NCKAP5L: variants seen among roughly 807,000 people sequenced by gnomAD.
NCKAP5L encodes NCK associated protein 5 like, also known as nck-associated protein 5-like.
NCKAP5L carries 54 observed loss-of-function variants against 103.2 expected under a neutral mutation model. The observed-to-expected ratio is 0.52, with a 90% confidence interval of 0.42 to 0.66. The LOEUF is 0.66. Among genes scored for constraint, NCKAP5L ranks in the 30% least tolerant of loss-of-function variants. NCKAP5L has a pLI of 0.00. For missense variants in NCKAP5L, 1,733 were observed against 1,750.6 expected (o/e 0.99, Z 0.18); for synonymous variants, 762 against 748.6 (o/e 1.02, Z -0.29).
chr12:49,794,884 C>A lies in NCKAP5L; in HGVS notation c.2976G>T (p.Arg992=). ...LEEEKAYLSS[R]ARPRPGGPAP... ...CTGGGCCACCAGGCCGTGGCCGGGC[C>A]CGGCTGCTTAGGTAGGCCTTCTCCT... is the stretch of plus-strand genomic sequence containing the variant. Residue 992 remains arginine, a synonymous_variant, in exon 8 of 13, where the codon CGG becomes CGT. Coordinates refer to ENST00000335999, the MANE Select transcript of NCKAP5L (RefSeq NM_001037806.4). 1 of 1,505,806 alleles carries A rather than the reference C, an allele frequency of 6.6e-7. No individual in the cohort carries two copies. Among genetic ancestry groups the A allele is most frequent in the South Asian group, 1.3e-5 (1 of 75,806 alleles). 93.3% of individuals were successfully genotyped at this position (1,505,806 alleles called of 1,614,324 possible).
intron 1 of NCKAP5L, among the ~76,000 whole-genome samples, chr12:49,822,164 C>T (rs894649432): frequency 6.6e-6 from 1 of 152,132 alleles, no homozygotes; most frequent in Non-Finnish European, 1.5e-5. Context: ...AGCCTCTGTC[C>T]AGGAATCAGA....
chr12:49,807,804 C>T (rs1946197113), intron 1 of NCKAP5L, among the ~76,000 whole-genome samples: 1 of 152,178 alleles, frequency 6.6e-6, no homozygotes, highest in Non-Finnish European at 1.5e-5. Flanking sequence ...CCATCGGTCC[C>T]CAGCGTGTCC....
intron 1 of NCKAP5L, among the ~76,000 whole-genome samples, chr12:49,812,387 C>CTT (rs542046179): frequency 4.2e-5 from 6 of 142,912 alleles, no homozygotes; most frequent in African/African-American, 1.3e-4. Context: ...TGGTTTTCAT[C>CTT]TTTTTTTTTT....
Position 49,794,965 on chromosome 12 carries a change from G to T in NCKAP5L, c.2895C>A (p.Ser965Arg). 6.3e-7 allele frequency: 1 copy of T among 1,587,512 alleles called. No individual in the cohort carries two copies. The highest frequency in any genetic ancestry group is 8.6e-7 in the Non-Finnish European group (1 of 1,167,628). ...TGGCCATCAGCTTGGAGATGTTGAGGCTCTCGGCCTCCAGCTTCCGGGCTT... is the reference window on the plus strand; with the variant it reads ...TGGCCATCAGCTTGGAGATGTTGAGTCTCTCGGCCTCCAGCTTCCGGGCTT... ...KMEARKLEAE[S>R]LNISKLMAKA... Residue 965 changes from serine to arginine, a missense_variant, in exon 8 of 13, where the codon AGC (serine) becomes AGA (arginine). By Grantham distance (110) the Ser-to-Arg change is moderately radical. Transcript: ENST00000335999.
In NCKAP5L at chr12:49,795,122, T is replaced by C. The variant is rs1344247673; in HGVS notation, c.2738A>G (p.Asn913Ser). The change falls in exon 8 of 13, where the codon AAC becomes AGC. Residue 913 changes from asparagine (N) to serine (S), a missense_variant. Transcript: ENST00000335999. ...GAACCAGCTGGCGATGCTGCTGGTG[T>C]TGCGGTGCTTGACCTCGGCGCCAGG... ...RAPGAEVKHR[N>S]TSSIASWFGL... is the part of the protein sequence containing the mutation. 6 of 1,613,040 alleles carry C rather than the reference T, an allele frequency of 3.7e-6. No homozygotes were observed. Among genetic ancestry groups the C allele is most frequent in the Non-Finnish European group, 4.2e-6 (5 of 1,179,694 alleles).
chr12:49,796,323 G>A lies in NCKAP5L; in HGVS notation c.1537C>T (p.Pro513Ser). The change falls in exon 8 of 13, where the codon CCA becomes TCA. Residue 513 changes from proline to serine, a missense_variant. Pro to Ser is a moderately conservative substitution (Grantham distance 74). Coordinates refer to ENST00000335999, the MANE Select transcript of NCKAP5L (RefSeq NM_001037806.4). ...RRGLGGGELS[P>S]EGAQGLPTSP... is the part of the protein sequence containing the mutation. ...GTGGGCAGGCCTTGCGCCCCCTCTG[G>A]GGACAGCTCTCCTCCACCCAGACCC... is the stretch of plus-strand genomic sequence containing the variant. The A allele has an allele frequency of 5.8e-6, 9 of 1,544,060 alleles. No individual in the cohort carries two copies. Among genetic ancestry groups the A allele is most frequent in the Non-Finnish European group, 7.0e-6 (8 of 1,145,350 alleles).
At position 49,803,001 on chromosome 12, in the gene NCKAP5L, G is replaced by A; in HGVS notation, c.193-5C>T. The A allele has an allele frequency of 1.9e-6, 3 of 1,614,230 alleles. No individual in the cohort carries two copies. The highest frequency in any genetic ancestry group is 2.2e-5 in the South Asian group (2 of 91,086). On this transcript the variant is annotated splice_region_variant and splice_polypyrimidine_tract_variant and intron_variant, in intron 4 of 12. Transcript: ENST00000335999. ...CTGTACCACATGGTTGGCAACCTGG[G>A]GACAGAAAGCCCCGAGGCAGAGCCA...
In NCKAP5L at chr12:49,796,318, C is replaced by A; in HGVS notation, c.1542G>T (p.Glu514Asp). The change falls in exon 8 of 13, where the codon GAG (glutamate) becomes GAT (aspartate). Residue 514 changes from glutamate to aspartate, a missense_variant. By Grantham distance (45) the Glu-to-Asp change is conservative. Coordinates refer to ENST00000335999, the MANE Select transcript of NCKAP5L (RefSeq NM_001037806.4). ...GGCTGGTGGGCAGGCCTTGCGCCCC[C>A]TCTGGGGACAGCTCTCCTCCACCCA... Reference protein sequence around the residue: ...RGLGGGELSPEGAQGLPTSPS... With the variant: ...RGLGGGELSPDGAQGLPTSPS... The A allele has an allele frequency of 6.5e-7, 1 of 1,544,266 alleles. No homozygotes were observed. Among genetic ancestry groups the A allele is most frequent in the Non-Finnish European group, 8.7e-7 (1 of 1,145,284 alleles).
chr12:49,791,912 G>T lies in NCKAP5L; in HGVS notation c.3932C>A (p.Pro1311Gln). The T allele has an allele frequency of 6.2e-7, 1 of 1,611,878 alleles. No individual in the cohort carries two copies. Among genetic ancestry groups the T allele is most frequent in the South Asian group, 1.1e-5 (1 of 90,832 alleles). Residue 1311 changes from proline (P) to glutamine (Q), a missense_variant, in exon 13 of 13, where the codon CCA becomes CAA. Coordinates refer to ENST00000335999, the MANE Select transcript of NCKAP5L (RefSeq NM_001037806.4). ...GAGAGACTCCGAGGTCTCCAGCCCT[G>T]GGGGGCCCCCGCTGGCCACTCTGCC... ...EEGRVASGGP[P>Q]GLETSESLSD... is the part of the protein sequence containing the mutation.
intron 6 of NCKAP5L, among the ~76,000 whole-genome samples, chr12:49,799,156 G>A (rs976135135): frequency 1.3e-5 from 2 of 152,044 alleles, no homozygotes; most frequent in Admixed American, 6.5e-5. Context: ...CTGCAGCAGC[G>A]CCTCCAGCCC....
chr12:49,798,511 T>C, intron 6 of NCKAP5L, 48 bp from the exon 7 acceptor site: 1 of 1,454,730 alleles, frequency 6.9e-7, no homozygotes, highest in South Asian at 1.2e-5. Context: ...TGACCCCAGC[T>C]CCCTACTCCC....
In NCKAP5L at chr12:49,808,997, G is replaced by C. The variant is rs531989282; in HGVS notation, c.-98-2956C>G. Among the ~76,000 whole-genome samples, 283 of 152,118 alleles carry C rather than the reference G, an allele frequency of 1.9e-3. 2 individuals are homozygous for C. Among genetic ancestry groups the C allele is most frequent in the African/African-American group, 6.6e-3 (272 of 41,466 alleles). On this transcript the variant is annotated intron_variant, in intron 1 of 12. Transcript: ENST00000335999. ...AGTGCAGGGGGAGGGAGAGAAGGAG[G>C]GGGGAGAAGAGCGGAGTCCTCTCTG...
intron 2 of NCKAP5L, chr12:49,804,681 A>G (rs753198400): frequency 5.3e-5 from 8 of 152,214 alleles, no homozygotes; most frequent in Non-Finnish European, 1.0e-4. Context: ...TGAACATATG[A>G]AAACCGAGCT....
intron 1 of NCKAP5L, among the ~76,000 whole-genome samples, chr12:49,818,147 C>CA (rs966897628): frequency 2.0e-5 from 3 of 148,268 alleles, no homozygotes; most frequent in African/African-American, 7.4e-5. Flanking sequence ...AAAAAAAAAA[C>CA]AAAAAAACCT....
chr12:49,811,427 C>T (rs535882602), intron 1 of NCKAP5L, among the ~76,000 whole-genome samples: 4 of 152,174 alleles, frequency 2.6e-5, no homozygotes, highest in East Asian at 3.9e-4. Context: ...CACCTCCTGC[C>T]GCCACCCTCC....
Position 49,792,810 on chromosome 12 carries a change from C to A in NCKAP5L, c.3517G>T (p.Ala1173Ser). The A allele has an allele frequency of 6.3e-7, 1 of 1,576,320 alleles. No individual in the cohort carries two copies. Among genetic ancestry groups the A allele is most frequent in the Non-Finnish European group, 8.6e-7 (1 of 1,162,602 alleles). ...GGCACCTCCCGCTCCAGTGTGTGGG[C>A]GCGGCGGGGGACTTTGGTAAGGGGT... is the stretch of plus-strand genomic sequence containing the variant. ...PPPLTKVPRR[A>S]HTLEREVPGI... is the part of the protein sequence containing the mutation. Residue 1173 changes from alanine to serine, a missense_variant, in exon 11 of 13, where the codon GCC becomes TCC. Coordinates refer to ENST00000335999, the MANE Select transcript of NCKAP5L (RefSeq NM_001037806.4). The surrounding 1 kb of genome is among the most constrained non-coding windows in gnomAD (Gnocchi z 4.5).
chr12:49,795,760 C>A lies in NCKAP5L; in HGVS notation c.2100G>T (p.Lys700Asn), dbSNP rs1254627603. ...CCATGTCTCCAGCACTCTCCCCTGA[C>A]TTCCCAGGTCCCCGGGTCTTTTCGG... is the stretch of plus-strand genomic sequence containing the variant. ...PGTEKTRGPG[K>N]SGESAGDMVP... The change falls in exon 8 of 13, where the codon AAG (lysine) becomes AAT (asparagine). Residue 700 changes from lysine (K) to asparagine (N), a missense_variant. Physicochemically the swap from Lys to Asn is moderately conservative, Grantham distance 94. Transcript: ENST00000335999. 3 of 1,595,506 alleles carry A rather than the reference C, an allele frequency of 1.9e-6. No homozygotes were observed. Among genetic ancestry groups the A allele is most frequent in the Non-Finnish European group, 2.6e-6 (3 of 1,171,338 alleles).
In NCKAP5L at chr12:49,795,929, T is replaced by C. The variant is rs1308848859; in HGVS notation, c.1931A>G (p.Lys644Arg). The change falls in exon 8 of 13, where the codon AAG (lysine) becomes AGG (arginine). Residue 644 changes from lysine to arginine, a missense_variant. Physicochemically the swap from Lys to Arg is conservative, Grantham distance 26. Transcript: ENST00000335999. ...TCGCCGTCCTGACCCCTGGCTGGGC[T>C]TCTTGGATGAGTTGCCTGGGGTCCT... ...GRRTPGNSSK[K>R]PSQGSGRRPG... The C allele has an allele frequency of 6.5e-7, 1 of 1,528,082 alleles. No homozygotes were observed. The allele number at this position is 1,528,082 out of a possible 1,614,324, so 94.7% of individuals were successfully genotyped here.
At position 49,792,294 on chromosome 12, in the gene NCKAP5L, C is replaced by CCGTTAAGAGTGTGAGGCTGG; in HGVS notation, c.3792+151_3792+152insCCAGCCTCACACTCTTAACG. 1 of 1,468,606 alleles carries CCGTTAAGAGTGTGAGGCTGG rather than the reference C, an allele frequency of 6.8e-7. No homozygotes were observed. Among genetic ancestry groups the CCGTTAAGAGTGTGAGGCTGG allele is most frequent in the Non-Finnish European group, 9.2e-7 (1 of 1,082,434 alleles). The allele number at this position is 1,468,606 out of a possible 1,614,324, so 91.0% of individuals were successfully genotyped here. On this transcript the variant is annotated intron_variant, in intron 12 of 12. Coordinates refer to ENST00000335999, the MANE Select transcript of NCKAP5L (RefSeq NM_001037806.4). This position sits in a 1 kb window ranked among gnomAD's most constrained non-coding sequence, Gnocchi z 4.5. ...GTGCAAGGAGGGCAGTGGGGAGGGC[C>CCGTTAAGAGTGTGAGGCTGG]GCTCACAGGGCATCCCAGGGGTCCT...
Sources: gnomAD v4.1 joint callset for allele counts (sites outside exome capture counted in the v4.1 genomes callset) on GRCh38, gnomAD v4.1.1 for gene constraint, Gnocchi (gnomAD v3.1) non-coding constraint, MANE v1.5 for transcripts, NCBI Gene and HGNC (gene_info 2026-07-23, HGNC 2026-07-21) for gene names.